The following CEP70 variants were observed in gnomAD, a reference collection of about 807,000 sequenced individuals.
CEP70 encodes centrosomal protein 70, also known as centrosomal protein of 70 kDa.
CEP70 carries 70 observed loss-of-function variants against 90.9 expected under a neutral mutation model. The ratio of observed to expected loss-of-function variants is 0.77; its 90% CI spans 0.64 to 0.94. The LOEUF (loss-of-function observed/expected upper bound fraction) is 0.94. Among genes scored for constraint, CEP70 ranks in the 40% least tolerant of loss-of-function variants. CEP70 has a pLI of 0.00. For missense variants in CEP70, 648 were observed against 669.0 expected (o/e 0.97, Z 0.35); for synonymous variants, 220 against 228.3 (o/e 0.96, Z 0.33).
rs771259325 is a variant in CEP70, at chr3:138,572,956, G to A, written c.-5-24C>T. ...TACTTTTGTAGAATCAAAAGAAACAGAAATTGGCAATTAAAAAATTTGAGT... is the reference window on the plus strand; with the variant it reads ...TACTTTTGTAGAATCAAAAGAAACAAAAATTGGCAATTAAAAAATTTGAGT... On this transcript the variant is annotated intron_variant, in intron 2 of 17. Transcript: ENST00000264982. 3 of 1,556,262 alleles carry A rather than the reference G, an allele frequency of 1.9e-6. No homozygotes were observed. In the East Asian group the frequency reaches 6.7e-5, roughly 35 times the overall value.
intron 3 of CEP70, among the ~76,000 whole-genome samples, chr3:138,571,949 T>G (rs931008155): frequency 2.0e-5 from 3 of 152,166 alleles, no homozygotes; most frequent in African/African-American, 7.2e-5. Context: ...CGGCTAATTT[T>G]TTGTATTTTT....
At chr3:138,546,395 T>C (rs2039203874) in intron 6 of CEP70, among the ~76,000 whole-genome samples, 2 of 152,234 alleles carry the variant, frequency 1.3e-5, no homozygotes, top group African/African-American at 2.4e-5. Context: ...ATCACTTGCC[T>C]GGTTTCCCCT....
intron 7 of CEP70, among the ~76,000 whole-genome samples, chr3:138,533,929 C>T (rs975009616): frequency 2.0e-5 from 3 of 152,012 alleles, no homozygotes; most frequent in Admixed American, 6.6e-5. Context: ...GGACTACAGG[C>T]GCCTGCCACC....
rs35741273 is a variant in CEP70 at position 138,540,480 on chromosome 3, TAAA to T, written c.466-3136_466-3134del. 1.4e-3 allele frequency among the ~76,000 whole-genome samples: 177 copies of T among 123,634 alleles called. 1 individual carries two copies. The highest frequency in any genetic ancestry group is 4.8e-3 in the Admixed American group (56 of 11,600). The allele number at this position is 123,634 out of a possible 152,430, so 81.1% of individuals were successfully genotyped here. Reference sequence around the variant, plus strand: ...GCCTGGGCAACAGAGCAAGACTATGTAAAAAAAAAAAAAAAAAAGCTCAATATC... The same window carrying T: ...GCCTGGGCAACAGAGCAAGACTATGTAAAAAAAAAAAAAAAGCTCAATATC... On this transcript the variant is annotated intron_variant, in intron 6 of 17. Coordinates refer to ENST00000264982, the MANE Select transcript of CEP70 (RefSeq NM_024491.4).
At chr3:138,572,426 G>A (rs1199081447) in intron 3 of CEP70, among the ~76,000 whole-genome samples, 1 of 152,188 alleles carries the variant, frequency 6.6e-6, no homozygotes, top group Non-Finnish European at 1.5e-5. Context: ...AAAGCTCTGA[G>A]TTAGTGTCTC....
intron 11 of CEP70, among the ~76,000 whole-genome samples, chr3:138,525,194 C>T (rs1376715539): frequency 6.6e-6 from 1 of 150,846 alleles, no homozygotes; most frequent in Non-Finnish European, 1.5e-5. Context: ...TGTTCTCACT[C>T]ATAGGTGGGA....
chr3:138,509,626 T>C (rs2035332359), intron 11 of CEP70, among the ~76,000 whole-genome samples: 1 of 152,190 alleles, frequency 6.6e-6, no homozygotes, highest in African/African-American at 2.4e-5. Flanking sequence ...GTTTTAGTTA[T>C]GCAAGGTAAA....
intron 6 of CEP70, among the ~76,000 whole-genome samples, chr3:138,539,929 A>T (rs1560366948): frequency 6.6e-6 from 1 of 152,240 alleles, no homozygotes; most frequent in Non-Finnish European, 1.5e-5. Flanking sequence ...CATGACAAAG[A>T]CACCAAAAGC....
At chr3:138,540,769 A>G (rs1488533619) in intron 6 of CEP70, among the ~76,000 whole-genome samples, 1 of 152,238 alleles carries the variant, frequency 6.6e-6, no homozygotes, top group African/African-American at 2.4e-5. Context: ...AATACAAATC[A>G]TTCTACCATA....
At chr3:138,543,317 A>G (rs1208663427) in intron 6 of CEP70, among the ~76,000 whole-genome samples, 1 of 152,218 alleles carries the variant, frequency 6.6e-6, no homozygotes, top group Admixed American at 6.5e-5. Flanking sequence ...GTCGGCATCC[A>G]AAGTCTTGGG....
At chr3:138,587,522 C>T (rs2042161511) in intron 2 of CEP70, among the ~76,000 whole-genome samples, 1 of 151,884 alleles carries the variant, frequency 6.6e-6, no homozygotes, top group Non-Finnish European at 1.5e-5. Flanking sequence ...GTGGCTCACA[C>T]CTGTAATCCC....
At chr3:138,591,640 T>C (rs1315055079) in intron 2 of CEP70, among the ~76,000 whole-genome samples, 1 of 152,212 alleles carries the variant, frequency 6.6e-6, no homozygotes, top group Non-Finnish European at 1.5e-5. Context: ...AGACTGTGAT[T>C]AGAGTTGGTG....
chr3:138,531,175 C>T (rs958415599), intron 8 of CEP70, among the ~76,000 whole-genome samples: 1 of 152,068 alleles, frequency 6.6e-6, no homozygotes, highest in Non-Finnish European at 1.5e-5. Flanking sequence ...TCCTCAGCCC[C>T]AGATTTTCAT....
chr3:138,558,427 C>A (rs1462837809), intron 6 of CEP70, among the ~76,000 whole-genome samples: 2 of 152,060 alleles, frequency 1.3e-5, no homozygotes, highest in Non-Finnish European at 2.9e-5. Flanking sequence ...ACATTTCCCA[C>A]AAGTGTGTTT....
chr3:138,516,367 C>T (rs745402754), intron 11 of CEP70, among the ~76,000 whole-genome samples: 2 of 152,032 alleles, frequency 1.3e-5, no homozygotes, highest in East Asian at 3.9e-4. Context: ...TAGTTTTCCT[C>T]CTCTATTATC....
chr3:138,586,366 T>G (rs552779709), intron 2 of CEP70, among the ~76,000 whole-genome samples: 4 of 152,108 alleles, frequency 2.6e-5, no homozygotes, highest in Admixed American at 2.0e-4. Context: ...TAAAGAGATA[T>G]CTGCACTCTC....
intron 6 of CEP70, among the ~76,000 whole-genome samples, chr3:138,563,343 T>C (rs559195271): frequency 2.2e-4 from 34 of 152,218 alleles, no homozygotes; most frequent in African/African-American, 7.2e-4. Flanking sequence ...CTCTGGACCA[T>C]GCAGACCTAA....
chr3:138,570,524 TC>T (rs1301489290), intron 5 of CEP70, 26 bp from the exon 6 acceptor site: 1 of 1,546,184 alleles, frequency 6.5e-7, no homozygotes, highest in East Asian at 2.3e-5. Flanking sequence ...TACAATTTCT[TC>T]CCTTAGTATT....
At chr3:138,515,192 T>C (rs1200079909) in intron 11 of CEP70, among the ~76,000 whole-genome samples, 1 of 152,056 alleles carries the variant, frequency 6.6e-6, no homozygotes, top group Non-Finnish European at 1.5e-5. Flanking sequence ...GTCCTGCAAG[T>C]CTGGTCACAT....
Sources: allele counts gnomAD v4.1 joint callset (sites outside exome capture counted in the v4.1 genomes callset), GRCh38; gene constraint gnomAD v4.1.1; transcripts MANE v1.5; gene names NCBI Gene and HGNC (gene_info 2026-07-23, HGNC 2026-07-21).